AFG2A: variants seen among roughly 807,000 people sequenced by gnomAD.
The protein encoded by AFG2A is ATPase family gene 2 protein homolog A.
chr4:122,975,994 G>A, the AFG2A span, among the ~76,000 whole-genome samples: 1 of 152,084 alleles, frequency 6.6e-6, no homozygotes, highest in Non-Finnish European at 1.5e-5. Flanking sequence ...CCTCTGTTTT[G>A]TGGAGTTTTG....
At chr4:122,989,581 T>C in the AFG2A span, among the ~76,000 whole-genome samples, 2 of 152,132 alleles carry the variant, frequency 1.3e-5, no homozygotes, top group African/African-American at 4.8e-5. Flanking sequence ...AGCCTGGGTC[T>C]ACAGTGGCTG....
At chr4:123,049,025 G>T in the AFG2A span, among the ~76,000 whole-genome samples, 2 of 152,074 alleles carry the variant, frequency 1.3e-5, no homozygotes, top group Non-Finnish European at 2.9e-5. Flanking sequence ...TTATCAGATT[G>T]AAGTATGTTC....
At chr4:123,194,818 T>G in the AFG2A span, among the ~76,000 whole-genome samples, 1 of 152,336 alleles carries the variant, frequency 6.6e-6, no homozygotes, top group Non-Finnish European at 1.5e-5. Flanking sequence ...GTGAGACACA[T>G]ACTAGCAGGT....
chr4:123,057,605 A>G, the AFG2A span, among the ~76,000 whole-genome samples: 1 of 152,212 alleles, frequency 6.6e-6, no homozygotes, highest in Non-Finnish European at 1.5e-5. Flanking sequence ...ACATATAATT[A>G]AAACTGTAAA....
At chr4:123,251,346 T>A in the AFG2A span, among the ~76,000 whole-genome samples, 1 of 152,164 alleles carries the variant, frequency 6.6e-6, no homozygotes, top group South Asian at 2.1e-4. Flanking sequence ...ATTTTTTTGA[T>A]GAGAGAATTG....
chr4:123,316,571 G>A, the AFG2A span: 1 of 152,140 alleles, frequency 6.6e-6, no homozygotes, highest in African/African-American at 2.4e-5. Context: ...ATGGCTAAGG[G>A]CACAAGAAAA....
At chr4:123,015,604 A>C in the AFG2A span, among the ~76,000 whole-genome samples, 2 of 150,834 alleles carry the variant, frequency 1.3e-5, no homozygotes, top group Non-Finnish European at 3.0e-5. Context: ...AGACATGGCA[A>C]CCATCCGATT....
chr4:123,002,151 T>G, the AFG2A span, among the ~76,000 whole-genome samples: 13 of 152,206 alleles, frequency 8.5e-5, no homozygotes, highest in South Asian at 2.7e-3. Flanking sequence ...GTTTTCCATT[T>G]GCTTGGTAGA....
At chr4:123,024,577 T>C in the AFG2A span, among the ~76,000 whole-genome samples, 1 of 152,194 alleles carries the variant, frequency 6.6e-6, no homozygotes, top group East Asian at 1.9e-4. Context: ...CAGAAATTCC[T>C]CAGAGAAATT....
the AFG2A span, among the ~76,000 whole-genome samples, chr4:123,171,675 T>C: frequency 6.6e-6 from 1 of 152,202 alleles, no homozygotes; most frequent in Non-Finnish European, 1.5e-5. Flanking sequence ...CATTATGTCT[T>C]GTTCATCTTT....
chr4:123,018,971 T>A, the AFG2A span, among the ~76,000 whole-genome samples: 1 of 152,134 alleles, frequency 6.6e-6, no homozygotes, highest in Non-Finnish European at 1.5e-5. Context: ...TGCCTTTAGT[T>A]TAAAGTGATC....
chr4:123,308,749 A>G, the AFG2A span, among the ~76,000 whole-genome samples: 1 of 152,180 alleles, frequency 6.6e-6, no homozygotes, highest in African/African-American at 2.4e-5. Context: ...AGATTGGCCA[A>G]ATCTGGGGAA....
At chr4:123,169,244 G>A in the AFG2A span, among the ~76,000 whole-genome samples, 1 of 152,238 alleles carries the variant, frequency 6.6e-6, no homozygotes, top group Admixed American at 6.5e-5. Flanking sequence ...TGAAAATAAC[G>A]TGAACTTAGA....
the AFG2A span, among the ~76,000 whole-genome samples, chr4:123,212,376 G>T: frequency 1.3e-5 from 2 of 151,978 alleles, no homozygotes; most frequent in Admixed American, 1.3e-4. Context: ...AACTGTTTCA[G>T]TTGTTCCGTG....
At chr4:123,195,248 A>G in the AFG2A span, among the ~76,000 whole-genome samples, 1 of 152,210 alleles carries the variant, frequency 6.6e-6, no homozygotes, top group East Asian at 1.9e-4. Context: ...TGTCCATACT[A>G]TCCACGCTAT....
At chr4:123,015,863 ACCCCCCCACC>A in the AFG2A span, among the ~76,000 whole-genome samples, 1 of 13,810 alleles carries the variant, frequency 7.2e-5, no homozygotes. Flanking sequence ...CGGGGGGCTG[ACCCCCCCACC>A]TCCCTCCCGG....
chr4:123,262,526 G>T, the AFG2A span, among the ~76,000 whole-genome samples: 1 of 152,162 alleles, frequency 6.6e-6, no homozygotes, highest in East Asian at 1.9e-4. Flanking sequence ...AACTTTCATA[G>T]TTCCCTTTGA....
chr4:123,035,638 T>C, the AFG2A span, among the ~76,000 whole-genome samples: 1 of 152,154 alleles, frequency 6.6e-6, no homozygotes, highest in African/African-American at 2.4e-5. Flanking sequence ...TACAGTATAC[T>C]ATGTTAAAGT....
chr4:123,051,943 TG>T, the AFG2A span, among the ~76,000 whole-genome samples: 799 of 152,290 alleles, frequency 5.2e-3, 7 homozygotes, highest in African/African-American at 0.018. Context: ...AAGTTGAGCC[TG>T]GTTGGTGACC....
Sources: gnomAD v4.1 joint callset for allele counts (sites outside exome capture counted in the v4.1 genomes callset) on GRCh38, gnomAD v4.1.1 for gene constraint, MANE v1.5 for transcripts, NCBI Gene and HGNC (gene_info 2026-07-23, HGNC 2026-07-21) for gene names.